The following PCDHGB4 variants were observed in gnomAD, a reference collection of about 807,000 sequenced individuals.
PCDHGB4 encodes the protein protocadherin gamma-B4.
PCDHGB4 carries 38 observed loss-of-function variants against 60.5 expected under a neutral mutation model. The observed-to-expected ratio is 0.63, with a 90% CI of 0.48 to 0.82. The LOEUF (loss-of-function observed/expected upper bound fraction) is 0.82, where lower values mean the gene tolerates loss of function less well. PCDHGB4 is among the 40% of genes least tolerant of loss of function. PCDHGB4 has a pLI of 0.00. For synonymous variants in PCDHGB4, 456 were observed against 509.7 expected, an observed-to-expected ratio of 0.89 and a Z score of 1.42; for missense variants, 1,109 against 1,209.6, an observed-to-expected ratio of 0.92 and a Z score of 1.23.
At position 141,440,639 on chromosome 5, in the gene PCDHGB4, T is replaced by C. The variant is rs2098191350; in HGVS notation, c.2397+50358T>C. On this transcript the variant is annotated intron_variant, in intron 1 of 3. Coordinates refer to ENST00000519479, the MANE Select transcript of PCDHGB4 (RefSeq NM_003736.4). ...GATCCTGATGTTGAGAGAAATTCCT[T>C]ACAAAATTATCACCTTAGCAGCAAC... 2 of 152,192 alleles carry C rather than the reference T, an allele frequency of 1.3e-5. 1 individual carries two copies. The highest frequency in any genetic ancestry group is 4.8e-5 in the African/African-American group (2 of 41,440). The allele number at this position is 152,192 out of a possible 1,614,324, so 9.4% of individuals were successfully genotyped here.
chr5:141,473,892 G>C (rs1247711441), intron 1 of PCDHGB4, among the ~76,000 whole-genome samples: 1 of 152,138 alleles, frequency 6.6e-6, no homozygotes, highest in African/African-American at 2.4e-5. Context: ...GGGTTCTGTT[G>C]GTTCATGAAG....
chr5:141,403,189 G>A (rs1234686339), intron 1 of PCDHGB4: 2 of 1,613,860 alleles, frequency 1.2e-6, no homozygotes, highest in South Asian at 1.1e-5. Flanking sequence ...CTCTGAACCC[G>A]CGCAGCGGCA....
In PCDHGB4 at chr5:141,489,087, T is replaced by A. The variant is rs2099682381; in HGVS notation, c.2398-5720T>A. ...CCCCCTGCCCACCCCCGCCACTCGG[T>A]GACTAAGAACTGCTGCAAGCAGGCA... is the stretch of plus-strand genomic sequence containing the variant. On this transcript the variant is annotated intron_variant, in intron 1 of 3. Coordinates refer to ENST00000519479, the MANE Select transcript of PCDHGB4 (RefSeq NM_003736.4). This position sits in a 1 kb window ranked among gnomAD's most constrained non-coding sequence, Gnocchi z 4.5. The A allele has an allele frequency of 4.6e-6, 1 of 216,106 alleles. No individual in the cohort carries two copies. Among genetic ancestry groups the A allele is most frequent in the Non-Finnish European group, 8.4e-6 (1 of 118,734 alleles). 13.4% of individuals were successfully genotyped at this position (216,106 alleles called of 1,614,324 possible). A position where few individuals can be genotyped will look rare whatever the true frequency, so the allele number is the denominator to read the frequency against.
chr5:141,505,711 A>C (rs372711957), intron 3 of PCDHGB4, among the ~76,000 whole-genome samples: 17 of 152,058 alleles, frequency 1.1e-4, no homozygotes, highest in Admixed American at 2.6e-4. Context: ...CAAGGAAAAG[A>C]CTCATGGAGG....
intron 1 of PCDHGB4, among the ~76,000 whole-genome samples, chr5:141,402,587 T>C (rs2094282900): frequency 1.3e-5 from 2 of 152,228 alleles, no homozygotes; most frequent in Non-Finnish European, 2.9e-5. Flanking sequence ...ATCTAAAAAA[T>C]AGATTGCTTT....
In PCDHGB4 at chr5:141,418,490, G is replaced by A. The variant is rs1473964718; in HGVS notation, c.2397+28209G>A. On this transcript the variant is annotated intron_variant, in intron 1 of 3. Coordinates refer to ENST00000519479, the MANE Select transcript of PCDHGB4 (RefSeq NM_003736.4). Reference sequence around the variant, plus strand: ...AGAAACGCAGAGCGCTCACCACTTGGTACTGACCGCCTTAGATGGTGGGGA... The same window carrying A: ...AGAAACGCAGAGCGCTCACCACTTGATACTGACCGCCTTAGATGGTGGGGA... 5.6e-6 allele frequency: 9 copies of A among 1,613,996 alleles called. No homozygotes were observed. In the East Asian group the frequency reaches 1.6e-4, roughly 28 times the overall value.
chr5:141,490,644 T>C lies in PCDHGB4; in HGVS notation c.2398-4163T>C. The C allele has an allele frequency of 6.2e-7, 1 of 1,614,188 alleles. No homozygotes were observed. Among genetic ancestry groups the C allele is most frequent in the Non-Finnish European group, 8.5e-7 (1 of 1,180,016 alleles). On this transcript the variant is annotated intron_variant, in intron 1 of 3. Coordinates refer to ENST00000519479, the MANE Select transcript of PCDHGB4 (RefSeq NM_003736.4). The surrounding 1 kb of genome is among the most constrained non-coding windows in gnomAD (Gnocchi z 5.4). Reference sequence around the variant, plus strand: ...CTGCTTACATCCTAGAAAACCGGCCTCCGGGCTCCCTTCTTTGCACTGTGG... The same window carrying C: ...CTGCTTACATCCTAGAAAACCGGCCCCCGGGCTCCCTTCTTTGCACTGTGG...
chr5:141,402,973 C>G (rs779898665), intron 1 of PCDHGB4: 1 of 1,607,926 alleles, frequency 6.2e-7, no homozygotes. Context: ...CAACCAAATG[C>G]CAGCTCCGCG....
At position 141,511,572 on chromosome 5, in the gene PCDHGB4, T is replaced by C. The variant is rs1366960269; in HGVS notation, c.*399T>C. The C allele has an allele frequency of 1.0e-5, 3 of 289,550 alleles. No homozygotes were observed. The East Asian group carries it at 2.4e-4, about 23-fold the overall frequency. 17.9% of individuals were successfully genotyped at this position (289,550 alleles called of 1,614,324 possible). ...AACAGTTCCTCTTTCCCGAGTAAGG[T>C]GGTTGGGGTGTTGAAGTACCAAGTA... On this transcript the variant is annotated 3_prime_UTR_variant, in exon 4 of 4. Coordinates refer to ENST00000519479, the MANE Select transcript of PCDHGB4 (RefSeq NM_003736.4).
chr5:141,507,915 G>A (rs1324577269), intron 3 of PCDHGB4, among the ~76,000 whole-genome samples: 2 of 152,224 alleles, frequency 1.3e-5, no homozygotes, highest in African/African-American at 4.8e-5. Flanking sequence ...AGCCAGGCCT[G>A]TGGGGCTGCT....
intron 1 of PCDHGB4, chr5:141,478,024 C>T: frequency 2.5e-6 from 4 of 1,614,188 alleles, no homozygotes; most frequent in Non-Finnish European, 3.4e-6. Context: ...CAGTCCAAGA[C>T]ACAGATTCAC....
chr5:141,494,037 T>C (rs2099751443), intron 1 of PCDHGB4, among the ~76,000 whole-genome samples: 1 of 152,146 alleles, frequency 6.6e-6, no homozygotes, highest in South Asian at 2.1e-4. Context: ...GAGACTTAGT[T>C]GGCCCTGCTT....
Position 141,388,448 on chromosome 5 carries a change from C to T in PCDHGB4, c.564C>T (p.Gly188=). ...FSLINKEKSD[G]SKYPEMVLKT... is the part of the protein sequence containing the mutation. Reference sequence around the variant, plus strand: ...TGATAAATAAAGAGAAATCAGATGGCAGTAAATACCCTGAGATGGTATTGA... The same window carrying T: ...TGATAAATAAAGAGAAATCAGATGGTAGTAAATACCCTGAGATGGTATTGA... The change falls in exon 1 of 4, where the codon GGC becomes GGT. Residue 188 remains glycine (G), a synonymous_variant. Transcript: ENST00000519479. 6.2e-7 allele frequency: 1 copy of T among 1,613,760 alleles called. No homozygotes were observed. Among genetic ancestry groups the T allele is most frequent in the Non-Finnish European group, 8.5e-7 (1 of 1,179,846 alleles).
chr5:141,392,741 C>T, intron 1 of PCDHGB4: 1 of 1,435,876 alleles, frequency 7.0e-7, no homozygotes. Context: ...ATCTCCATAG[C>T]TGCGGCAAGA....
In PCDHGB4 at chr5:141,389,361, G is replaced by T. The variant is rs1460945767; in HGVS notation, c.1477G>T (p.Asp493Tyr). Residue 493 changes from aspartate to tyrosine, a missense_variant, in exon 1 of 4, where the codon GAC (aspartate) becomes TAC (tyrosine). Physicochemically the swap from Asp to Tyr is radical, Grantham distance 160. This residue lies in a region of PCDHGB4 where 1,068 missense variants were observed against 1,089.9 expected (regional missense o/e 0.98). Coordinates refer to ENST00000519479, the MANE Select transcript of PCDHGB4 (RefSeq NM_003736.4). ...GQVSYCIMASDLEQRELSSYV... is the reference protein window; with the variant it reads ...GQVSYCIMASYLEQRELSSYV... The stretch of plus-strand genomic sequence containing the variant: ...AGTCTCTTACTGCATCATGGCCAGT[G>T]ACCTGGAGCAGCGGGAGCTGTCATC... 1 of 1,613,880 alleles carries T rather than the reference G, an allele frequency of 6.2e-7. No individual in the cohort carries two copies. Among genetic ancestry groups the T allele is most frequent in the South Asian group, 1.1e-5 (1 of 91,092 alleles).
In PCDHGB4 at chr5:141,431,159, C is replaced by A. The variant is rs1017606383; in HGVS notation, c.2397+40878C>A. On this transcript the variant is annotated intron_variant, in intron 1 of 3. Coordinates refer to ENST00000519479, the MANE Select transcript of PCDHGB4 (RefSeq NM_003736.4). The surrounding 1 kb of genome is among the most constrained non-coding windows in gnomAD (Gnocchi z 4.8). The stretch of plus-strand genomic sequence containing the variant: ...CATTAACGACAATGCGCCTTACTTT[C>A]GTGAAAGTGAATTAGAAATAAAAAT... The A allele has an allele frequency of 6.2e-7, 1 of 1,614,158 alleles. No homozygotes were observed. The highest frequency in any genetic ancestry group is 1.3e-5 in the African/African-American group (1 of 75,046).
chr5:141,410,345 C>T, intron 1 of PCDHGB4: 1 of 1,614,040 alleles, frequency 6.2e-7, no homozygotes, highest in Non-Finnish European at 8.5e-7. Flanking sequence ...TGCCTTGCGC[C>T]TGCGACGCTC....
intron 1 of PCDHGB4, chr5:141,419,724 G>A (rs200134846): frequency 1.9e-4 from 301 of 1,613,488 alleles, no homozygotes; most frequent in South Asian, 1.2e-3. Context: ...CTGGGGCTGC[G>A]AACAGGCGAG....
chr5:141,394,805 G>A, intron 1 of PCDHGB4: 1 of 1,613,860 alleles, frequency 6.2e-7, no homozygotes, highest in Non-Finnish European at 8.5e-7. Context: ...CCGTAGCCGT[G>A]GCTGACAGCA....
Sources: gnomAD v4.1 joint callset for allele counts (sites outside exome capture counted in the v4.1 genomes callset) on GRCh38, gnomAD v4.1.1 for gene constraint, gnomAD v4.1.1 regional missense constraint, Gnocchi (gnomAD v3.1) non-coding constraint, MANE v1.5 for transcripts, NCBI Gene and HGNC (gene_info 2026-07-23, HGNC 2026-07-21) for gene names.